The following ATL3 variants were observed in gnomAD, a reference collection of about 807,000 sequenced individuals.
ATL3 encodes the protein atlastin-3.
Under a neutral mutation model 69.5 loss-of-function variants are expected in ATL3, and 49 were observed. That is an observed-to-expected ratio of 0.71 (90% CI 0.56 to 0.89). The LOEUF is 0.89. ATL3 is among the 40% of genes least tolerant of loss of function. The pLI is 0.00. For synonymous variants in ATL3, 214 were observed against 224.1 expected (o/e 0.95, Z 0.40); for missense variants, 606 against 645.7 (o/e 0.94, Z 0.67).
At chr11:63,632,126 T>C in intron 11 of ATL3, 1 of 370,846 alleles carries the variant, frequency 2.7e-6, no homozygotes, top group Non-Finnish European at 5.3e-6. Context: ...AGACATGCTT[T>C]AATTTTTTTT....
At chr11:63,649,475 T>G (rs1006523516) in intron 5 of ATL3, among the ~76,000 whole-genome samples, 5 of 152,000 alleles carry the variant, frequency 3.3e-5, no homozygotes, top group African/African-American at 1.2e-4. Flanking sequence ...AAATATTTAA[T>G]CTATCTGGTC....
rs1939133885 is a variant in ATL3, at chr11:63,626,982, T to C, written c.*2337A>G. Reference sequence around the variant, plus strand: ...GTGAAGAGGACTTCCTCTGGATAATTAAACCAAGGTCTCTTTATAAGACCA... The same window carrying C: ...GTGAAGAGGACTTCCTCTGGATAATCAAACCAAGGTCTCTTTATAAGACCA... On this transcript the variant is annotated 3_prime_UTR_variant, in exon 13 of 13. Transcript: ENST00000398868. The C allele has an allele frequency of 6.6e-6, 1 of 152,072 alleles. No individual in the cohort carries two copies. Among genetic ancestry groups the C allele is most frequent in the South Asian group, 2.1e-4 (1 of 4,830 alleles). The allele number at this position is 152,072 out of a possible 1,614,324, so 9.4% of individuals were successfully genotyped here.
At chr11:63,649,704 T>C (rs749048763) in intron 5 of ATL3, among the ~76,000 whole-genome samples, 7 of 151,594 alleles carry the variant, frequency 4.6e-5, no homozygotes, top group Non-Finnish European at 7.4e-5. Context: ...GCTAATTTTT[T>C]TTTTTGTACT....
At chr11:63,669,364 G>A (rs984431279) in intron 1 of ATL3, among the ~76,000 whole-genome samples, 3 of 151,610 alleles carry the variant, frequency 2.0e-5, no homozygotes, top group East Asian at 2.0e-4. Context: ...GTGAAACCCC[G>A]TCTCTACTAA....
At chr11:63,645,198 G>A (rs1054858417) in intron 6 of ATL3, among the ~76,000 whole-genome samples, 8 of 152,060 alleles carry the variant, frequency 5.3e-5, no homozygotes, top group Admixed American at 6.6e-5. Context: ...CCTGAGCTCA[G>A]GAGTTTGAGA....
intron 1 of ATL3, among the ~76,000 whole-genome samples, chr11:63,663,870 G>A (rs1940495522): frequency 1.3e-5 from 2 of 152,158 alleles, no homozygotes; most frequent in South Asian, 4.1e-4. Context: ...TTATAGCTAG[G>A]ATATGACCAG....
Position 63,647,593 on chromosome 11 carries a change from G to A in ATL3, c.562-1030C>T, listed in dbSNP as rs140617966. ...TATACTAGCATTTAAACTCCATGAG[G>A]GCAGGAATATTTGTCTGTTTTGTGC... On this transcript the variant is annotated intron_variant, in intron 5 of 12. Transcript: ENST00000398868. Among the ~76,000 whole-genome samples the A allele has an allele frequency of 3.9e-5, 6 of 152,250 alleles. No homozygotes were observed. In the East Asian group the frequency reaches 1.2e-3, roughly 29 times the overall value.
rs767968539 is a variant in ATL3, at chr11:63,631,367, C to G, written c.1212G>C (p.Met404Ile). 4 of 1,614,204 alleles carry G rather than the reference C, an allele frequency of 2.5e-6. No homozygotes were observed. The South Asian group carries it at 4.4e-5, about 18-fold the overall frequency. Reference sequence around the variant, plus strand: ...AACGAAAGCTGAAATCCTTCCCACCCATCTTCTTGGTCTTCTTAAAATGGT... The same window carrying G: ...AACGAAAGCTGAAATCCTTCCCACCGATCTTCTTGGTCTTCTTAAAATGGT... ...ALDHFKKTKK[M>I]GGKDFSFRYQ... Residue 404 changes from methionine (M) to isoleucine (I), a missense_variant, in exon 12 of 13, where the codon ATG becomes ATC. Physicochemically the swap from Met to Ile is conservative, Grantham distance 10. Coordinates refer to ENST00000398868, the MANE Select transcript of ATL3 (RefSeq NM_015459.5).
intron 1 of ATL3, among the ~76,000 whole-genome samples, chr11:63,664,446 A>T (rs1046890796): frequency 6.6e-6 from 1 of 151,570 alleles, no homozygotes; most frequent in East Asian, 2.0e-4. Context: ...AGACTGAAGC[A>T]GGAGAATCGC....
At chr11:63,654,286 A>G (rs1167429269) in intron 3 of ATL3, among the ~76,000 whole-genome samples, 1 of 151,418 alleles carries the variant, frequency 6.6e-6, no homozygotes, top group Non-Finnish European at 1.5e-5. Context: ...AGCTGGGACT[A>G]TAGACGCCCG....
intron 8 of ATL3, chr11:63,637,736 G>A (rs1939566976): frequency 6.6e-6 from 1 of 152,094 alleles, no homozygotes; most frequent in South Asian, 2.1e-4. Context: ...AAAAAAGCAG[G>A]TAGGAGCCCA....
intron 1 of ATL3, among the ~76,000 whole-genome samples, chr11:63,670,891 G>A (rs1940748809): frequency 6.6e-6 from 1 of 152,130 alleles, no homozygotes; most frequent in African/African-American, 2.4e-5. Flanking sequence ...GCACGGAGGG[G>A]CAGCGCCCTG....
chr11:63,629,052 A>G lies in ATL3; in HGVS notation c.*267T>C, dbSNP rs1393234528. 3 of 394,650 alleles carry G rather than the reference A, an allele frequency of 7.6e-6. No homozygotes were observed. Among genetic ancestry groups the G allele is most frequent in the Non-Finnish European group, 1.4e-5 (3 of 219,678 alleles). The allele number at this position is 394,650 out of a possible 1,614,324, so 24.4% of individuals were successfully genotyped here. A position where few individuals can be genotyped will look rare whatever the true frequency, so the allele number is the denominator to read the frequency against. On this transcript the variant is annotated 3_prime_UTR_variant, in exon 13 of 13. Coordinates refer to ENST00000398868, the MANE Select transcript of ATL3 (RefSeq NM_015459.5). Reference sequence around the variant, plus strand: ...TTTTCCTCTAGCTTCCTCCTCCATAAAGTGCACAAAGCAGAGTAATATGAA... The same window carrying G: ...TTTTCCTCTAGCTTCCTCCTCCATAGAGTGCACAAAGCAGAGTAATATGAA...
chr11:63,630,448 A>AAG (rs776671586), intron 12 of ATL3, among the ~76,000 whole-genome samples: 6,796 of 132,610 alleles, frequency 0.051, 356 homozygotes, highest in Non-Finnish European at 0.082. Context: ...AAAAAAAAAA[A>AAG]GTTGCCAAAG....
intron 8 of ATL3, among the ~76,000 whole-genome samples, chr11:63,640,594 CTTTTTTTTTTTTTTT>C (rs1172516886): frequency 9.5e-5 from 8 of 84,346 alleles, no homozygotes; most frequent in Admixed American, 5.8e-4. Context: ...ACCATAGTAT[CTTTTTTTTTTTTTTT>C]TTTTTTTTTT....
chr11:63,632,888 C>A, intron 11 of ATL3, 138 bp downstream of exon 11: 1 of 818,168 alleles, frequency 1.2e-6, no homozygotes, highest in East Asian at 2.6e-5. Context: ...AGAAGGCCCC[C>A]GTTACCAGGA....
intron 1 of ATL3, among the ~76,000 whole-genome samples, chr11:63,660,111 GAAAAT>G (rs1023683981): frequency 6.8e-6 from 1 of 147,754 alleles, no homozygotes; most frequent in East Asian, 2.0e-4. Flanking sequence ...ATCCATAAAA[GAAAAT>G]AAAATGACAA....
chr11:63,668,117 T>C (rs1440903278), intron 1 of ATL3, among the ~76,000 whole-genome samples: 3 of 152,214 alleles, frequency 2.0e-5, no homozygotes, highest in Admixed American at 2.0e-4. Flanking sequence ...CTGAGTAGAT[T>C]CATGTATGAC....
chr11:63,625,455 TA>T lies in ATL3; in HGVS notation c.*3863del, dbSNP rs369559507. 5.9e-5 allele frequency: 9 copies of T among 152,312 alleles called. No individual in the cohort carries two copies. In the East Asian group the frequency reaches 1.2e-3, roughly 20 times the overall value. 9.4% of individuals were successfully genotyped at this position (152,312 alleles called of 1,614,324 possible). A position where few individuals can be genotyped will look rare whatever the true frequency, so the allele number is the denominator to read the frequency against. On this transcript the variant is annotated 3_prime_UTR_variant, in exon 13 of 13. Coordinates refer to ENST00000398868, the MANE Select transcript of ATL3 (RefSeq NM_015459.5). The stretch of plus-strand genomic sequence containing the variant: ...ACTGTTTTATTAAAGTTTTAATTTT[TA>T]AAAAATTAAAAAATTAAAACTGTTT...
Sources: gnomAD v4.1 joint callset for allele counts (sites outside exome capture counted in the v4.1 genomes callset) on GRCh38, gnomAD v4.1.1 for gene constraint, MANE v1.5 for transcripts, NCBI Gene and HGNC (gene_info 2026-07-23, HGNC 2026-07-21) for gene names.